Variants in GRK5 observed in about 807,000 individuals in gnomAD.
The protein encoded by GRK5 is G protein-coupled receptor kinase 5.
GRK5 carries 40 observed loss-of-function variants against 78.4 expected under a neutral mutation model. The observed-to-expected ratio is 0.51, with a 90% CI of 0.40 to 0.66. The LOEUF is 0.66. GRK5 is among the 30% of genes least tolerant of loss of function. The pLI is 0.00. For synonymous variants in GRK5, 289 were observed against 296.8 expected (o/e 0.97, Z 0.27); for missense variants, 598 against 759.9 (o/e 0.79, Z 2.50).
rs2133661906 is a variant in GRK5 at position 119,264,768 on chromosome 10, G to A, written c.52+56799G>A. ...TTCAGCAGTGGGAGGGACCCTGGGTGGACTAAAACCACACTTACCCACTAC... is the reference window on the plus strand; with the variant it reads ...TTCAGCAGTGGGAGGGACCCTGGGTAGACTAAAACCACACTTACCCACTAC... On this transcript the variant is annotated intron_variant, in intron 1 of 15. Coordinates refer to ENST00000392870, the MANE Select transcript of GRK5 (RefSeq NM_005308.3). This position sits in a 1 kb window ranked among gnomAD's most constrained non-coding sequence, Gnocchi z 4.1. Among the ~76,000 whole-genome samples the A allele has an allele frequency of 6.6e-6, 1 of 152,314 alleles. No individual in the cohort carries two copies. Among genetic ancestry groups the A allele is most frequent in the South Asian group, 2.1e-4 (1 of 4,822 alleles).
intron 1 of GRK5, among the ~76,000 whole-genome samples, chr10:119,322,565 C>T (rs979768912): frequency 6.6e-6 from 1 of 152,166 alleles, no homozygotes; most frequent in Non-Finnish European, 1.5e-5. Context: ...AATCAGTGAA[C>T]CTATGTTAAC....
intron 3 of GRK5, among the ~76,000 whole-genome samples, chr10:119,395,183 C>T (rs1852024434): frequency 6.6e-6 from 1 of 152,216 alleles, no homozygotes; most frequent in Non-Finnish European, 1.5e-5. Flanking sequence ...CTTACAGAAC[C>T]ACTGCCCTAT....
intron 12 of GRK5, among the ~76,000 whole-genome samples, chr10:119,444,157 A>G (rs1189983361): frequency 6.6e-6 from 1 of 151,890 alleles, no homozygotes; most frequent in Non-Finnish European, 1.5e-5. Flanking sequence ...CTGGATCCTA[A>G]GGTGTTGGTT....
intron 4 of GRK5, among the ~76,000 whole-genome samples, chr10:119,415,802 G>A (rs1852437723): frequency 6.6e-6 from 1 of 152,190 alleles, no homozygotes; most frequent in South Asian, 2.1e-4. Flanking sequence ...CCAGTCAGAG[G>A]TGCCAATCCT....
intron 4 of GRK5, among the ~76,000 whole-genome samples, chr10:119,413,641 A>C (rs1209784788): frequency 6.6e-6 from 1 of 152,100 alleles, no homozygotes; most frequent in Non-Finnish European, 1.5e-5. Flanking sequence ...ATAAGCAGGA[A>C]TGAGACCACA....
chr10:119,453,246 A>T lies in GRK5; in HGVS notation c.1644A>T (p.Lys548Asn), dbSNP rs774160810. 1 of 1,614,080 alleles carries T rather than the reference A, an allele frequency of 6.2e-7. No individual in the cohort carries two copies. The highest frequency in any genetic ancestry group is 1.1e-5 in the South Asian group (1 of 91,084). Residue 548 changes from lysine to asparagine, a missense_variant, in exon 15 of 16, where the codon AAA (lysine) becomes AAT (asparagine). By Grantham distance (94) the Lys-to-Asn change is moderately conservative. Transcript: ENST00000392870. Reference sequence around the variant, plus strand: ...ACCACCCTCCGGAACCGCCCAAGAAAGGGCTGCTCCAGAGACTCTTCAAGC... The same window carrying T: ...ACCACCCTCCGGAACCGCCCAAGAATGGGCTGCTCCAGAGACTCTTCAAGC... ...NRNHPPEPPK[K>N]GLLQRLFKRQ...
chr10:119,228,905 A>G (rs888344265), intron 1 of GRK5, among the ~76,000 whole-genome samples: 2 of 152,140 alleles, frequency 1.3e-5, no homozygotes, highest in Non-Finnish European at 2.9e-5. Context: ...GCATTCCTCC[A>G]TGGGAGATTC....
At chr10:119,276,083 G>T (rs1211736359) in intron 1 of GRK5, among the ~76,000 whole-genome samples, 1 of 152,124 alleles carries the variant, frequency 6.6e-6, no homozygotes, top group Admixed American at 6.6e-5. Context: ...GATTGTAAAG[G>T]CATGCAGCTC....
intron 4 of GRK5, among the ~76,000 whole-genome samples, chr10:119,405,039 C>T (rs2079526947): frequency 6.6e-6 from 1 of 152,154 alleles, no homozygotes; most frequent in Non-Finnish European, 1.5e-5. Flanking sequence ...GTGCTGATCT[C>T]CATGGTTGCA....
At position 119,379,327 on chromosome 10, in the gene GRK5, G is replaced by C. The variant is rs1196194090; in HGVS notation, c.149-1488G>C. ...TACACAGGCAGTGAGCGATGGGCTGGGATTCAAACCAAGGCAGTTTAGCTC... is the reference window on the plus strand; with the variant it reads ...TACACAGGCAGTGAGCGATGGGCTGCGATTCAAACCAAGGCAGTTTAGCTC... On this transcript the variant is annotated intron_variant, in intron 2 of 15. Coordinates refer to ENST00000392870, the MANE Select transcript of GRK5 (RefSeq NM_005308.3). This position sits in a 1 kb window ranked among gnomAD's most constrained non-coding sequence, Gnocchi z 4.1. Among the ~76,000 whole-genome samples, 1 of 152,042 alleles carries C rather than the reference G, an allele frequency of 6.6e-6. No individual in the cohort carries two copies. Among genetic ancestry groups the C allele is most frequent in the Non-Finnish European group, 1.5e-5 (1 of 68,016 alleles).
intron 1 of GRK5, among the ~76,000 whole-genome samples, chr10:119,213,939 T>G (rs547981951): frequency 6.6e-6 from 1 of 151,708 alleles, no homozygotes; most frequent in East Asian, 1.9e-4. Flanking sequence ...AAGATGCAAT[T>G]GGGCACTGCC....
Position 119,336,409 on chromosome 10 carries a change from G to A in GRK5, c.148+9798G>A, listed in dbSNP as rs893586484. ...GGTTACCCCCAGGGAAGGCGTGAAGGTCAGAGGGGACACTGGCTTTATCTG... is the reference window on the plus strand; with the variant it reads ...GGTTACCCCCAGGGAAGGCGTGAAGATCAGAGGGGACACTGGCTTTATCTG... On this transcript the variant is annotated intron_variant, in intron 2 of 15. Transcript: ENST00000392870. The surrounding 1 kb of genome is among the most constrained non-coding windows in gnomAD (Gnocchi z 4.5). 6.6e-6 allele frequency among the ~76,000 whole-genome samples: 1 copy of A among 152,164 alleles called. No individual in the cohort carries two copies. The highest frequency in any genetic ancestry group is 1.5e-5 in the Non-Finnish European group (1 of 68,034).
At chr10:119,329,158 A>G (rs1234910937) in intron 2 of GRK5, among the ~76,000 whole-genome samples, 2 of 152,228 alleles carry the variant, frequency 1.3e-5, no homozygotes, top group Non-Finnish European at 2.9e-5. Context: ...CCAGATACTG[A>G]GCATTCATGT....
intron 13 of GRK5, among the ~76,000 whole-genome samples, chr10:119,448,932 G>T (rs1853215961): frequency 6.6e-6 from 1 of 152,226 alleles, no homozygotes; most frequent in Non-Finnish European, 1.5e-5. Flanking sequence ...GGTGATCTGT[G>T]CGGGATACGT....
In GRK5 at chr10:119,412,298, C is replaced by CTGCCCGGCAGGGCTG; in HGVS notation, c.340-10864_340-10863insCGGCAGGGCTGTGCC. 6.6e-6 allele frequency among the ~76,000 whole-genome samples: 1 copy of CTGCCCGGCAGGGCTG among 152,216 alleles called. No homozygotes were observed. Among genetic ancestry groups the CTGCCCGGCAGGGCTG allele is most frequent in the African/African-American group, 2.4e-5 (1 of 41,454 alleles). ...CACAGGCTGCCGGTCCGGTGTGTCT[C>CTGCCCGGCAGGGCTG]TGCCTGGCAGGGCTGTGCCTGGCAC... is the stretch of plus-strand genomic sequence containing the variant. On this transcript the variant is annotated intron_variant, in intron 4 of 15. Transcript: ENST00000392870. This position sits in a 1 kb window ranked among gnomAD's most constrained non-coding sequence, Gnocchi z 4.3.
At chr10:119,338,373 A>T (rs767242935) in intron 2 of GRK5, among the ~76,000 whole-genome samples, 1 of 152,190 alleles carries the variant, frequency 6.6e-6, no homozygotes, top group Non-Finnish European at 1.5e-5. Flanking sequence ...AAACACAGAA[A>T]ATTATAAGGA....
intron 1 of GRK5, among the ~76,000 whole-genome samples, chr10:119,321,530 A>T (rs1850586037): frequency 6.6e-6 from 1 of 152,286 alleles, no homozygotes; most frequent in East Asian, 1.9e-4. Context: ...GTCACATTGC[A>T]TCACTCTGAC....
chr10:119,384,338 G>A (rs562129044), intron 3 of GRK5, among the ~76,000 whole-genome samples: 9 of 152,302 alleles, frequency 5.9e-5, no homozygotes, highest in South Asian at 4.1e-4. Flanking sequence ...CTGCTGCCCC[G>A]TGCTGGCAGA....
intron 12 of GRK5, among the ~76,000 whole-genome samples, 171 bp from the exon 13 acceptor site, chr10:119,447,952 G>T (rs1262183552): frequency 1.3e-5 from 2 of 152,228 alleles, no homozygotes; most frequent in African/African-American, 4.8e-5. Flanking sequence ...GGCTGTGAGT[G>T]TGTGAGCACA....
Sources: gnomAD v4.1 joint callset for allele counts (sites outside exome capture counted in the v4.1 genomes callset) on GRCh38, gnomAD v4.1.1 for gene constraint, Gnocchi (gnomAD v3.1) non-coding constraint, MANE v1.5 for transcripts, NCBI Gene and HGNC (gene_info 2026-07-23, HGNC 2026-07-21) for gene names.